Variants in DOCK1 observed in about 807,000 individuals in gnomAD.
DOCK1 encodes the protein dedicator of cytokinesis protein 1.
A neutral mutation model predicts 262.7 loss-of-function variants in DOCK1; 138 were observed. The ratio of observed to expected loss-of-function variants is 0.53; its 90% confidence interval spans 0.46 to 0.61. The LOEUF is 0.61. Among genes scored for constraint, DOCK1 ranks in the 20% least tolerant of loss-of-function variants. The pLI is 0.00. For missense variants in DOCK1, 1,908 were observed against 2,370.7 expected (o/e 0.80, Z 4.05); for synonymous variants, 866 against 867.4 (o/e 1.00, Z 0.03).
At position 127,374,460 on chromosome 10, in the gene DOCK1, C is replaced by T. The variant is rs1347566242; in HGVS notation, c.3675+246C>T. Reference sequence around the variant, plus strand: ...CTCTCCTTGTCGTTGTGAATGATGACTCACCGTATCTTGCAGCCAGGGTAG... The same window carrying T: ...CTCTCCTTGTCGTTGTGAATGATGATTCACCGTATCTTGCAGCCAGGGTAG... On this transcript the variant is annotated intron_variant, in intron 35 of 51. Coordinates refer to ENST00000623213, the MANE Select transcript of DOCK1 (RefSeq NM_001290223.2). Among the ~76,000 whole-genome samples, 6 of 152,176 alleles carry T rather than the reference C, an allele frequency of 3.9e-5. No homozygotes were observed. The South Asian group carries it at 1.2e-3, about 32-fold the overall frequency.
chr10:127,450,648 C>G (rs2070897120), intron 51 of DOCK1, among the ~76,000 whole-genome samples: 1 of 152,182 alleles, frequency 6.6e-6, no homozygotes, highest in East Asian at 1.9e-4. Context: ...TCAGTCATAA[C>G]ACTCCAGCCA....
At chr10:127,247,975 C>A in intron 27 of DOCK1, 33 bp from the exon 28 acceptor site, 1 of 1,600,824 alleles carries the variant, frequency 6.2e-7, no homozygotes, top group South Asian at 1.1e-5. Flanking sequence ...GTTGCTCTGT[C>A]TCATCTAATT....
intron 9 of DOCK1, among the ~76,000 whole-genome samples, chr10:126,999,857 A>G (rs1003336916): frequency 6.6e-6 from 1 of 152,052 alleles, no homozygotes; most frequent in African/African-American, 2.4e-5. Flanking sequence ...TTGTATTTTT[A>G]GTAGAGATGG....
intron 38 of DOCK1, among the ~76,000 whole-genome samples, chr10:127,388,142 G>T (rs562435479): frequency 6.6e-6 from 1 of 152,166 alleles, no homozygotes; most frequent in Non-Finnish European, 1.5e-5. Flanking sequence ...TTCAAGTGAT[G>T]AAATGGAATG....
chr10:127,430,523 C>T (rs1032363094), intron 47 of DOCK1, among the ~76,000 whole-genome samples: 1 of 152,158 alleles, frequency 6.6e-6, no homozygotes, highest in African/African-American at 2.4e-5. Flanking sequence ...GTCCTTCAGT[C>T]TTGTGGCCTC....
intron 29 of DOCK1, among the ~76,000 whole-genome samples, chr10:127,310,097 A>C (rs866936850): frequency 6.6e-6 from 1 of 151,726 alleles, no homozygotes. Flanking sequence ...CTGGTCTCGA[A>C]CTCCCAACCT....
chr10:126,984,974 CTTTTTTTT>C (rs553086410), intron 4 of DOCK1, among the ~76,000 whole-genome samples: 104 of 85,128 alleles, frequency 1.2e-3, no homozygotes, highest in Non-Finnish European at 1.7e-3. Context: ...ATGTCCCATT[CTTTTTTTT>C]TTTTTTTTTT....
At chr10:127,288,479 T>C (rs1163764209) in intron 29 of DOCK1, among the ~76,000 whole-genome samples, 1 of 152,098 alleles carries the variant, frequency 6.6e-6, no homozygotes, top group African/African-American at 2.4e-5. Context: ...CATTTTCTTT[T>C]TTTTAATTCT....
chr10:127,193,776 C>G (rs1015033105), intron 27 of DOCK1, among the ~76,000 whole-genome samples: 3 of 150,450 alleles, frequency 2.0e-5, no homozygotes, highest in Non-Finnish European at 2.9e-5. Context: ...GAGGGAGAAA[C>G]AAAACACAAA....
chr10:127,295,199 A>G (rs1008899843), intron 29 of DOCK1, among the ~76,000 whole-genome samples: 4 of 152,202 alleles, frequency 2.6e-5, no homozygotes, highest in African/African-American at 9.7e-5. Flanking sequence ...GCGTGGTACC[A>G]GCATCTGCTC....
chr10:126,991,227 C>T (rs1011249940), intron 6 of DOCK1, among the ~76,000 whole-genome samples: 2 of 152,196 alleles, frequency 1.3e-5, no homozygotes, highest in African/African-American at 2.4e-5. Context: ...TACAGCTGTA[C>T]CTTCTATGTT....
chr10:127,384,639 G>T, intron 37 of DOCK1, 151 bp from the exon 38 acceptor site: 1 of 949,766 alleles, frequency 1.1e-6, no homozygotes. Flanking sequence ...CCGGACAGAG[G>T]CTCTGCCCTG....
chr10:127,261,210 CATGTGTGTG>C (rs2060072630), intron 29 of DOCK1, among the ~76,000 whole-genome samples: 3 of 92,566 alleles, frequency 3.2e-5, no homozygotes, highest in Non-Finnish European at 6.3e-5. Context: ...TGTGTACCTG[CATGTGTGTG>C]CATGTGGGTG....
intron 29 of DOCK1, among the ~76,000 whole-genome samples, chr10:127,330,233 A>T (rs940450036): frequency 6.6e-6 from 1 of 152,212 alleles, no homozygotes; most frequent in African/African-American, 2.4e-5. Context: ...TCAGAATTGA[A>T]TCACAACTTT....
chr10:127,168,486 A>C (rs2054278331), intron 27 of DOCK1, among the ~76,000 whole-genome samples: 1 of 152,226 alleles, frequency 6.6e-6, no homozygotes, highest in Non-Finnish European at 1.5e-5. Context: ...GGCCAGAGCC[A>C]GGGAACACGG....
intron 38 of DOCK1, among the ~76,000 whole-genome samples, chr10:127,402,133 A>G (rs992606105): frequency 7.9e-5 from 12 of 152,226 alleles, no homozygotes; most frequent in Non-Finnish European, 1.5e-4. Flanking sequence ...CAGAGGTTTT[A>G]CAGGTTGATA....
At chr10:127,419,634 G>A (rs2068375831) in intron 45 of DOCK1, 32 bp from the exon 46 acceptor site, 2 of 1,572,264 alleles carry the variant, frequency 1.3e-6, no homozygotes, top group South Asian at 1.2e-5. Flanking sequence ...TGCTGAGCAG[G>A]TGCACTGAGC....
chr10:127,256,906 A>T (rs1299213741), intron 28 of DOCK1, among the ~76,000 whole-genome samples: 1 of 152,226 alleles, frequency 6.6e-6, no homozygotes, highest in Non-Finnish European at 1.5e-5. Flanking sequence ...CGTAAGAGAA[A>T]GGAACAGACA....
At chr10:127,291,988 G>T (rs1005810893) in intron 29 of DOCK1, among the ~76,000 whole-genome samples, 1 of 152,184 alleles carries the variant, frequency 6.6e-6, no homozygotes, top group Non-Finnish European at 1.5e-5. Context: ...TCCAGAGCAG[G>T]TATCTGTGGC....
Sources: allele counts gnomAD v4.1 joint callset (sites outside exome capture counted in the v4.1 genomes callset), GRCh38; gene constraint gnomAD v4.1.1; transcripts MANE v1.5; gene names NCBI Gene and HGNC (gene_info 2026-07-23, HGNC 2026-07-21).